The following PCED1A variants were observed in gnomAD, a reference collection of about 807,000 sequenced individuals.
PCED1A encodes PC-esterase domain-containing protein 1A.
In PCED1A, 20 loss-of-function variants were observed where a neutral mutation model predicts 41.9. The observed-to-expected ratio is 0.48, with a 90% CI of 0.34 to 0.69. The LOEUF (loss-of-function observed/expected upper bound fraction) is 0.69. Among genes scored for constraint, PCED1A ranks in the 30% least tolerant of loss-of-function variants. The probability of loss-of-function intolerance (pLI) is 0.01; values close to 1 mark genes in which losing one functional copy is unlikely to be tolerated. For synonymous variants in PCED1A, 236 were observed against 241.3 expected, an observed-to-expected ratio of 0.98 and a Z score of 0.20; for missense variants, 498 against 602.1, an observed-to-expected ratio of 0.83 and a Z score of 1.81.
At chr20:2,840,769 C>A (rs567061093), upstream of PCED1A, 3 of 1,548,368 alleles carry the variant, frequency 1.9e-6, no homozygotes, top group South Asian at 3.6e-5. Flanking sequence ...GCCGTCTGCA[C>A]CAGCCATGGA....
At chr20:2,840,725 C>A (rs1287098677), upstream of PCED1A, 1 of 1,543,132 alleles carries the variant, frequency 6.5e-7, no homozygotes, top group Admixed American at 2.0e-5. Context: ...CTGGAGCCCG[C>A]TCTAGGTGGG....
Position 2,836,288 on chromosome 20 carries a change from T to C in PCED1A, c.868A>G (p.Met290Val). ...TGGCTTCCCTGGAATGGATGATTCA[T>C]CTCTGCCCAGTCCTCAATCCACGGG... ...PDPWIEDWAE[M>V]NHPFQGSHRQ... The change falls in exon 7 of 8, where the codon ATG becomes GTG. Residue 290 changes from methionine to valine, a missense_variant. This residue lies in a region of PCED1A where 245 missense variants were observed against 232.4 expected (regional missense o/e 1.05). Coordinates refer to ENST00000360652, the MANE Select transcript of PCED1A (RefSeq NM_022760.6). The C allele has an allele frequency of 6.2e-7, 1 of 1,614,134 alleles. No homozygotes were observed. The highest frequency in any genetic ancestry group is 8.5e-7 in the Non-Finnish European group (1 of 1,180,026).
chr20:2,836,851 T>C (rs2088843742), intron 6 of PCED1A, among the ~76,000 whole-genome samples: 1 of 152,206 alleles, frequency 6.6e-6, no homozygotes, highest in Admixed American at 6.5e-5. Context: ...CAGTCCTTCC[T>C]AAAAGTGCCC....
At chr20:2,840,873 GCCCGCCGGCTGGAGTCT>G (rs1217999133), upstream of PCED1A, 1 of 1,395,314 alleles carries the variant, frequency 7.2e-7, no homozygotes, top group Non-Finnish European at 9.5e-7. Flanking sequence ...TACCCTGCTC[GCCCGCCGGCTGGAGTCT>G]CCCGGCGGCG....
Position 2,838,528 on chromosome 20 carries a change from G to C in PCED1A, c.595-50C>G, listed in dbSNP as rs771508391. 43 of 1,613,812 alleles carry C rather than the reference G, an allele frequency of 2.7e-5. No homozygotes were observed. The highest frequency in any genetic ancestry group is 3.2e-5 in the Non-Finnish European group (38 of 1,179,832). ...AGAGCCACAGAACGCAGCAGGGTCT[G>C]AAAGCAGGGTGTCCTATCTACCAGT... On this transcript the variant is annotated intron_variant, in intron 5 of 7. Transcript: ENST00000360652. This position sits in a 1 kb window ranked among gnomAD's most constrained non-coding sequence, Gnocchi z 5.8.
chr20:2,836,911 C>G (rs559956052), intron 6 of PCED1A, among the ~76,000 whole-genome samples: 1 of 152,348 alleles, frequency 6.6e-6, no homozygotes, highest in Non-Finnish European at 1.5e-5. Context: ...TCCTGCCAAT[C>G]CAAAGCATGA....
intron 6 of PCED1A, among the ~76,000 whole-genome samples, chr20:2,837,461 G>A (rs1368003177): frequency 1.3e-5 from 2 of 152,190 alleles, no homozygotes; most frequent in Admixed American, 1.3e-4. Context: ...AAGTGCAGCA[G>A]GAAACTTGCC....
rs138567607 is a variant in PCED1A at position 2,835,559 on chromosome 20, C to A, written c.1268G>T (p.Gly423Val). The A allele has an allele frequency of 2.5e-6, 4 of 1,614,146 alleles. No homozygotes were observed. Among genetic ancestry groups the A allele is most frequent in the Admixed American group, 1.7e-5 (1 of 60,016 alleles). Residue 423 changes from glycine (G) to valine (V), a missense_variant, in exon 8 of 8, where the codon GGG becomes GTG. Gly to Val is a moderately radical substitution (Grantham distance 109, BLOSUM62 -3). Around this residue, in one of 2 missense-constraint regions of PCED1A, gnomAD observed 245 missense variants for 232.4 expected, o/e 1.05. Coordinates refer to ENST00000360652, the MANE Select transcript of PCED1A (RefSeq NM_022760.6). Reference protein sequence around the residue: ...NSPYHVRRMGGPCRQRLRHSE... With the variant: ...NSPYHVRRMGVPCRQRLRHSE... The stretch of plus-strand genomic sequence containing the variant: ...GTGTCTGAGCCGCTGCCTGCAGGGC[C>A]CCCCCATTCTCCGCACATGGTAGGG...
chr20:2,840,492 C>T lies in PCED1A; in HGVS notation c.-303G>A, dbSNP rs1020849770. On this transcript the variant is annotated 5_prime_UTR_variant, in exon 1 of 8. It removes an upstream start codon present in the reference 5' UTR. Transcript: ENST00000360652. ...CTCACAGCTTCCACTTCCGTTCACC[C>T]ATGTCCCGCCCTGAGCGACCCCCAG... is the stretch of plus-strand genomic sequence containing the variant. 2.1e-5 allele frequency: 11 copies of T among 524,350 alleles called. No homozygotes were observed. The highest frequency in any genetic ancestry group is 1.6e-4 in the African/African-American group (8 of 48,660). The allele number at this position is 524,350 out of a possible 1,614,324, so 32.5% of individuals were successfully genotyped here.
chr20:2,840,005 C>T lies in PCED1A; in HGVS notation c.-21-72G>A, dbSNP rs867952535. On this transcript the variant is annotated intron_variant, in intron 1 of 7. Coordinates refer to ENST00000360652, the MANE Select transcript of PCED1A (RefSeq NM_022760.6). Reference sequence around the variant, plus strand: ...AGGTCAGCCTCAGGGCTAGCCCCTCCGGGGCTGCTCAATGCTAAAGGGAGG... The same window carrying T: ...AGGTCAGCCTCAGGGCTAGCCCCTCTGGGGCTGCTCAATGCTAAAGGGAGG... 3.1e-5 allele frequency: 45 copies of T among 1,430,220 alleles called. 1 individual carries two copies. In the South Asian group the frequency reaches 4.0e-4, roughly 13 times the overall value. The allele number at this position is 1,430,220 out of a possible 1,614,324, so 88.6% of individuals were successfully genotyped here.
chr20:2,839,084 T>TGGGGCCCCCCCCCCCC lies in PCED1A; in HGVS notation c.205-3_205-2insGGGGGGGGGGGGCCCC. Reference sequence around the variant, plus strand: ...GTCCTGTTCAAAGCTCAGCTCCCCCTACCCACCCCCCCCACCCTACTGGTC... The same window carrying TGGGGCCCCCCCCCCCC: ...GTCCTGTTCAAAGCTCAGCTCCCCCTGGGGCCCCCCCCCCCCACCCACCCCCCCCACCCTACTGGTC... On this transcript the variant is annotated splice_region_variant and splice_polypyrimidine_tract_variant and intron_variant, in intron 3 of 7. Transcript: ENST00000360652. 1 of 725,286 alleles carries TGGGGCCCCCCCCCCCC rather than the reference T, an allele frequency of 1.4e-6. No individual in the cohort carries two copies. Among genetic ancestry groups the TGGGGCCCCCCCCCCCC allele is most frequent in the Non-Finnish European group, 1.9e-6 (1 of 522,254 alleles). The allele number at this position is 725,286 out of a possible 1,614,324, so 44.9% of individuals were successfully genotyped here.
chr20:2,838,572 T>G lies in PCED1A; in HGVS notation c.594+24A>C, dbSNP rs762999034. Reference sequence around the variant, plus strand: ...TACCAGTCTGCTATCCCATCTCTTGTCCTGATGGGCCTCAGTCACTTGCCT... The same window carrying G: ...TACCAGTCTGCTATCCCATCTCTTGGCCTGATGGGCCTCAGTCACTTGCCT... On this transcript the variant is annotated intron_variant, in intron 5 of 7. Transcript: ENST00000360652. The surrounding 1 kb of genome is among the most constrained non-coding windows in gnomAD (Gnocchi z 5.8). The G allele has an allele frequency of 1.2e-6, 2 of 1,614,048 alleles. No individual in the cohort carries two copies. The highest frequency in any genetic ancestry group is 2.7e-5 in the African/African-American group (2 of 74,914).
Position 2,838,697 on chromosome 20 carries a change from A to ACACC in PCED1A, c.489_492dup (p.Phe165GlyfsTer49). On this transcript the variant is annotated frameshift_variant, in exon 5 of 8. Coordinates refer to ENST00000360652, the MANE Select transcript of PCED1A (RefSeq NM_022760.6). LOFTEE classifies it high-confidence loss of function. The surrounding 1 kb of genome is among the most constrained non-coding windows in gnomAD (Gnocchi z 5.8). Reference sequence around the variant, plus strand: ...GGCAATACTTGGTCCATGCGCACAAACACCCGCTCCAGGTTCTCCCGGTAG... The same window carrying ACACC: ...GGCAATACTTGGTCCATGCGCACAAACACCCACCCGCTCCAGGTTCTCCCGGTAG... The ACACC allele has an allele frequency of 6.2e-7, 1 of 1,614,154 alleles. No homozygotes were observed. The highest frequency in any genetic ancestry group is 1.1e-5 in the South Asian group (1 of 91,086).
At chr20:2,839,678 G>T in intron 2 of PCED1A, 111 bp downstream of exon 2, 1 of 1,486,768 alleles carries the variant, frequency 6.7e-7, no homozygotes, top group Non-Finnish European at 9.2e-7. Context: ...CTACTGGACG[G>T]AACAGACCAG....
rs757134233 is a variant in PCED1A at position 2,835,331 on chromosome 20, C to T, written c.*131G>A. On this transcript the variant is annotated 3_prime_UTR_variant, in exon 8 of 8. Coordinates refer to ENST00000360652, the MANE Select transcript of PCED1A (RefSeq NM_022760.6). Reference sequence around the variant, plus strand: ...CACAGGAATTTGTCACTCTGTTCTTCCATGCCTTTATTGGTGACAGCAATG... The same window carrying T: ...CACAGGAATTTGTCACTCTGTTCTTTCATGCCTTTATTGGTGACAGCAATG... 2.9e-5 allele frequency: 35 copies of T among 1,217,442 alleles called. No individual in the cohort carries two copies. Among genetic ancestry groups the T allele is most frequent in the Non-Finnish European group, 3.8e-5 (34 of 902,694 alleles). The allele number at this position is 1,217,442 out of a possible 1,614,324, so 75.4% of individuals were successfully genotyped here.
chr20:2,838,178 T>G lies in PCED1A; in HGVS notation c.841+54A>C, dbSNP rs1396378639. 18 of 1,610,906 alleles carry G rather than the reference T, an allele frequency of 1.1e-5. No homozygotes were observed. Among genetic ancestry groups the G allele is most frequent in the South Asian group, 8.8e-5 (8 of 90,812 alleles). ...TGTGTCCCATTCTGTTTCTGAGCCC[T>G]GTCCTCTGAGGGCCCCAGTGCATCA... On this transcript the variant is annotated intron_variant, in intron 6 of 7. Transcript: ENST00000360652. This position sits in a 1 kb window ranked among gnomAD's most constrained non-coding sequence, Gnocchi z 5.8.
chr20:2,835,758 T>C (rs200537301), intron 7 of PCED1A, 49 bp from the exon 8 acceptor site: 178 of 1,511,828 alleles, frequency 1.2e-4, no homozygotes, highest in South Asian at 4.0e-5. Context: ...CCAGAGTGAG[T>C]GCAGCTCTGC....
upstream of PCED1A, chr20:2,840,680 A>G (rs1399151687): frequency 4.4e-5 from 61 of 1,398,186 alleles, no homozygotes; most frequent in Non-Finnish European, 5.7e-5. Context: ...CGGCCTCGCC[A>G]CGTGACCCGG....
rs1568617118 is a variant in PCED1A at position 2,839,035 on chromosome 20, C to T, written c.252G>A (p.Leu84=). Residue 84 remains leucine (L), a synonymous_variant, in exon 4 of 8, where the codon CTG becomes CTA. Transcript: ENST00000360652. ...EQDQLVAGGQ[L]GELHNGTQYR... is the part of the protein sequence containing the mutation. ...ACTGTGTCCCGTTGTGCAGCTCGCC[C>T]AGCTGGCCCCCAGCCACCAGCTGGT... 2 of 1,613,644 alleles carry T rather than the reference C, an allele frequency of 1.2e-6. No homozygotes were observed. Among genetic ancestry groups the T allele is most frequent in the South Asian group, 1.1e-5 (1 of 91,084 alleles).
Sources: allele counts gnomAD v4.1 joint callset (sites outside exome capture counted in the v4.1 genomes callset), GRCh38; gene constraint gnomAD v4.1.1; regional missense constraint gnomAD v4.1.1; non-coding constraint Gnocchi (gnomAD v3.1); transcripts MANE v1.5; gene names NCBI Gene and HGNC (gene_info 2026-07-23, HGNC 2026-07-21).